The following DGCR2 variants were observed in gnomAD, a reference collection of about 807,000 sequenced individuals.
DGCR2 encodes the protein DiGeorge syndrome critical region gene 2.
In DGCR2, 24 loss-of-function variants were observed where a neutral mutation model predicts 51.6. The ratio of observed to expected loss-of-function variants is 0.47; its 90% CI spans 0.34 to 0.65. The LOEUF (loss-of-function observed/expected upper bound fraction) is 0.65. Ranked by LOEUF, DGCR2 falls within the 30% of genes least tolerant of loss-of-function variation. The pLI, the probability that DGCR2 is intolerant of heterozygous loss-of-function variation, is 0.01. For synonymous variants in DGCR2, 340 were observed against 315.4 expected (o/e 1.08, Z -0.82); for missense variants, 765 against 772.1 (o/e 0.99, Z 0.11).
At chr22:19,067,430 T>C (rs1418058306) in intron 3 of DGCR2, among the ~76,000 whole-genome samples, 2 of 152,136 alleles carry the variant, frequency 1.3e-5, no homozygotes, top group Non-Finnish European at 2.9e-5. Flanking sequence ...CAGTGGCTCA[T>C]GCCTGTAATC....
chr22:19,109,802 T>A (rs1162031942), intron 1 of DGCR2, among the ~76,000 whole-genome samples: 1 of 152,058 alleles, frequency 6.6e-6, no homozygotes, highest in Non-Finnish European at 1.5e-5. Context: ...AAAACTGCGG[T>A]AGCAGTGGAG....
chr22:19,091,884 A>G (rs118189100), intron 1 of DGCR2, among the ~76,000 whole-genome samples: 2,005 of 152,262 alleles, frequency 0.013, 37 homozygotes, highest in South Asian at 0.058. Flanking sequence ...GGAAATTACA[A>G]AAGAAGAGCA....
chr22:19,064,311 T>C (rs1019689231), intron 4 of DGCR2, among the ~76,000 whole-genome samples: 33 of 152,260 alleles, frequency 2.2e-4, no homozygotes, highest in Non-Finnish European at 4.1e-4. Flanking sequence ...TACAACAACC[T>C]GTGAGCTAAG....
chr22:19,038,850 T>A lies in DGCR2; in HGVS notation c.*15A>T, dbSNP rs777064900. The A allele has an allele frequency of 2.5e-6, 4 of 1,609,222 alleles. No individual in the cohort carries two copies. Among genetic ancestry groups the A allele is most frequent in the Admixed American group, 3.4e-5 (2 of 59,638 alleles). On this transcript the variant is annotated 3_prime_UTR_variant, in exon 10 of 10. Transcript: ENST00000263196. Reference sequence around the variant, plus strand: ...GACAGGTGCTCCCAGACCGTTGGGGTACAGGCCAGGCCGTCTACACCACAG... The same window carrying A: ...GACAGGTGCTCCCAGACCGTTGGGGAACAGGCCAGGCCGTCTACACCACAG...
At chr22:19,107,162 C>T (rs1601301169) in intron 1 of DGCR2, among the ~76,000 whole-genome samples, 1 of 152,200 alleles carries the variant, frequency 6.6e-6, no homozygotes, top group African/African-American at 2.4e-5. Context: ...CATTTCCAAA[C>T]AGCCCCCGGG....
At chr22:19,076,720 G>A (rs2082880436) in intron 2 of DGCR2, among the ~76,000 whole-genome samples, 1 of 138,268 alleles carries the variant, frequency 7.2e-6, no homozygotes, top group African/African-American at 2.7e-5. Flanking sequence ...CAAGTCCTTT[G>A]CACATTTTTT....
chr22:19,041,100 C>T lies in DGCR2; in HGVS notation c.1354G>A (p.Glu452Lys), dbSNP rs1456744267. Residue 452 changes from glutamate to lysine, a missense_variant, in exon 9 of 10, where the codon GAG (glutamate) becomes AAG (lysine). Around this residue, in one of 3 missense-constraint regions of DGCR2, gnomAD observed 205 missense variants for 181.4 expected, o/e 1.13. Transcript: ENST00000263196. ...ACACTGTCCGGGTGGATGGAGGCCTCGTAGGGCGGCGGAGGGTCGTCGGGC... is the reference window on the plus strand; with the variant it reads ...ACACTGTCCGGGTGGATGGAGGCCTTGTAGGGCGGCGGAGGGTCGTCGGGC... ...GQPDDPPPPY[E>K]ASIHPDSVFY... is the part of the protein sequence containing the mutation. 5.0e-6 allele frequency: 8 copies of T among 1,612,394 alleles called. No individual in the cohort carries two copies. In the African/African-American group the frequency reaches 5.3e-5, roughly 11 times the overall value.
chr22:19,053,307 T>A (rs2146319503), intron 6 of DGCR2, among the ~76,000 whole-genome samples: 1 of 152,252 alleles, frequency 6.6e-6, no homozygotes, highest in Admixed American at 6.5e-5. Context: ...CTAACAAGCC[T>A]TGAGTCACAC....
chr22:19,063,917 C>A (rs944954240), intron 4 of DGCR2, among the ~76,000 whole-genome samples: 1 of 152,208 alleles, frequency 6.6e-6, no homozygotes, highest in Non-Finnish European at 1.5e-5. Context: ...TGAACTGCAT[C>A]TCAATAAAGA....
rs1413252712 is a variant in DGCR2, at chr22:19,038,593, G to C, written c.*272C>G. The C allele has an allele frequency of 1.9e-6, 1 of 525,690 alleles. No homozygotes were observed. Among genetic ancestry groups the C allele is most frequent in the East Asian group, 3.4e-5 (1 of 29,460 alleles). The allele number at this position is 525,690 out of a possible 1,614,324, so 32.6% of individuals were successfully genotyped here. A position where few individuals can be genotyped will look rare whatever the true frequency, so the allele number is the denominator to read the frequency against. On this transcript the variant is annotated 3_prime_UTR_variant, in exon 10 of 10. Transcript: ENST00000263196. ...TGCCTCTAACATGTGCGGTCTGAAT[G>C]AATTTTGTCACTCTTCTGCCATTTA...
At chr22:19,075,161 C>T (rs2082861123) in intron 2 of DGCR2, among the ~76,000 whole-genome samples, 1 of 149,978 alleles carries the variant, frequency 6.7e-6, no homozygotes, top group African/African-American at 2.5e-5. Context: ...GGTGCAGTGG[C>T]TCACGCCTGT....
chr22:19,048,177 C>G, intron 7 of DGCR2: 1 of 543,296 alleles, frequency 1.8e-6, no homozygotes, highest in Non-Finnish European at 3.3e-6. Flanking sequence ...GAACAAACAG[C>G]CACACTTGAG....
intron 1 of DGCR2, among the ~76,000 whole-genome samples, chr22:19,090,939 A>T (rs2083071406): frequency 6.6e-6 from 1 of 152,232 alleles, no homozygotes; most frequent in Non-Finnish European, 1.5e-5. Flanking sequence ...AGAATTTGTC[A>T]TGTAGGGAAA....
intron 2 of DGCR2, among the ~76,000 whole-genome samples, chr22:19,072,667 G>A (rs1351897570): frequency 2.0e-5 from 3 of 152,124 alleles, no homozygotes; most frequent in Non-Finnish European, 2.9e-5. Context: ...AAGGTAAAGA[G>A]ATCAAGACCA....
At chr22:19,089,341 T>C in intron 2 of DGCR2, 27 bp downstream of exon 2, 2 of 1,560,284 alleles carry the variant, frequency 1.3e-6, no homozygotes, top group Non-Finnish European at 1.7e-6. Flanking sequence ...CAAGGTGGTG[T>C]GTACCCCGCC....
intron 7 of DGCR2, chr22:19,048,136 G>GACA: frequency 2.2e-6 from 1 of 454,566 alleles, no homozygotes; most frequent in Non-Finnish European, 4.0e-6. Flanking sequence ...TAAGTTTGAA[G>GACA]ACAAGTTTGA....
At chr22:19,113,069 T>G (rs979968562) in intron 1 of DGCR2, among the ~76,000 whole-genome samples, 4 of 103,774 alleles carry the variant, frequency 3.9e-5, no homozygotes, top group Middle Eastern at 8.7e-3. Flanking sequence ...AACGCTGGAT[T>G]AGAACTAAAG....
intron 2 of DGCR2, among the ~76,000 whole-genome samples, chr22:19,083,519 A>C (rs1015068798): frequency 6.6e-6 from 1 of 152,222 alleles, no homozygotes; most frequent in Non-Finnish European, 1.5e-5. Flanking sequence ...TCCACAGAAC[A>C]ATATGAGTTT....
chr22:19,086,741 T>C (rs1470121064), intron 2 of DGCR2, among the ~76,000 whole-genome samples: 1 of 152,132 alleles, frequency 6.6e-6, no homozygotes, highest in Non-Finnish European at 1.5e-5. Context: ...AGATTTTATT[T>C]TTCTGTCTAG....
Sources: gnomAD v4.1 joint callset for allele counts (sites outside exome capture counted in the v4.1 genomes callset) on GRCh38, gnomAD v4.1.1 for gene constraint, gnomAD v4.1.1 regional missense constraint, MANE v1.5 for transcripts, NCBI Gene and HGNC (gene_info 2026-07-23, HGNC 2026-07-21) for gene names.